Variants in CAP2 observed in about 807,000 individuals in gnomAD.
CAP2 encodes adenylyl cyclase-associated protein 2.
A neutral mutation model predicts 57.7 loss-of-function variants in CAP2; 24 were observed. The observed-to-expected ratio is 0.42, with a 90% CI of 0.30 to 0.58. The LOEUF (loss-of-function observed/expected upper bound fraction) is 0.58. Among genes scored for constraint, CAP2 ranks in the 20% least tolerant of loss-of-function variants. The pLI is 0.22. For missense variants in CAP2, 501 were observed against 590.3 expected (o/e 0.85, Z 1.57); for synonymous variants, 194 against 207.2 (o/e 0.94, Z 0.55).
Position 17,513,801 on chromosome 6 carries a change from T to C in CAP2, c.531-48T>C. 7.4e-7 allele frequency: 1 copy of C among 1,359,156 alleles called. No homozygotes were observed. The allele number at this position is 1,359,156 out of a possible 1,614,324, so 84.2% of individuals were successfully genotyped here. On this transcript the variant is annotated intron_variant, in intron 6 of 12. Coordinates refer to ENST00000229922, the MANE Select transcript of CAP2 (RefSeq NM_006366.3). This position sits in a 1 kb window ranked among gnomAD's most constrained non-coding sequence, Gnocchi z 4.3. ...TGCCCCCACAATTTTTTTAAAATTTTATTTTAGATCCTAACTCTGCTTTCT... is the reference window on the plus strand; with the variant it reads ...TGCCCCCACAATTTTTTTAAAATTTCATTTTAGATCCTAACTCTGCTTTCT...
Position 17,531,528 on chromosome 6 carries a change from C to A in CAP2, c.637-7741C>A, listed in dbSNP as rs1350180289. On this transcript the variant is annotated intron_variant, in intron 7 of 12. Transcript: ENST00000229922. ...CTTGCCTTTCAAAGCATCTTTTGGA[C>A]AAACTTCTTTCTCAGGTGCTTGATC... The A allele has an allele frequency of 2.6e-6, 4 of 1,532,110 alleles. No homozygotes were observed. The South Asian group carries it at 4.5e-5, about 17-fold the overall frequency. 94.9% of individuals were successfully genotyped at this position (1,532,110 alleles called of 1,614,324 possible). A position where few individuals can be genotyped will look rare whatever the true frequency, so the allele number is the denominator to read the frequency against.
chr6:17,417,539 T>A (rs948800231), intron 1 of CAP2, among the ~76,000 whole-genome samples: 9 of 152,160 alleles, frequency 5.9e-5, no homozygotes, highest in Admixed American at 5.9e-4. Flanking sequence ...CCTCCCAAAG[T>A]GCTAGGATTA....
intron 6 of CAP2, among the ~76,000 whole-genome samples, chr6:17,512,940 C>T (rs565579597): frequency 6.6e-6 from 1 of 152,200 alleles, no homozygotes; most frequent in South Asian, 2.1e-4. Flanking sequence ...ATAGAGATTT[C>T]CATTCATGAT....
intron 2 of CAP2, among the ~76,000 whole-genome samples, chr6:17,425,728 G>A (rs1438522505): frequency 6.6e-6 from 1 of 152,188 alleles, no homozygotes; most frequent in African/African-American, 2.4e-5. Context: ...ATGAAATTAT[G>A]TAGCGTCTTT....
chr6:17,551,363 A>T, intron 11 of CAP2, 101 bp from the exon 12 acceptor site: 1 of 969,218 alleles, frequency 1.0e-6, no homozygotes, highest in Non-Finnish European at 1.5e-6. Flanking sequence ...ATGCTTGGTT[A>T]AGCCCAAGCT....
intron 2 of CAP2, among the ~76,000 whole-genome samples, chr6:17,423,560 T>A (rs1371382099): frequency 6.6e-6 from 1 of 152,118 alleles, no homozygotes; most frequent in Non-Finnish European, 1.5e-5. Flanking sequence ...ATGTGAAGCC[T>A]GTGAATACAC....
intron 3 of CAP2, among the ~76,000 whole-genome samples, chr6:17,428,675 G>A (rs1268772993): frequency 6.6e-6 from 1 of 151,418 alleles, no homozygotes; most frequent in African/African-American, 2.4e-5. Flanking sequence ...CCTAATGCTA[G>A]ATGACGAGTT....
intron 3 of CAP2, among the ~76,000 whole-genome samples, chr6:17,427,037 C>T (rs1392539714): frequency 6.6e-6 from 1 of 152,034 alleles, no homozygotes; most frequent in Non-Finnish European, 1.5e-5. Flanking sequence ...AATAAGAAAG[C>T]AGAGTCATGA....
At chr6:17,435,681 T>TAAAAA (rs71002211) in intron 3 of CAP2, among the ~76,000 whole-genome samples, 53 of 67,396 alleles carry the variant, frequency 7.9e-4, no homozygotes, top group Middle Eastern at 0.021. Context: ...TAGAGTATAA[T>TAAAAA]AAAAAAAAAA....
intron 3 of CAP2, among the ~76,000 whole-genome samples, chr6:17,435,794 GT>G (rs1035107635): frequency 1.9e-4 from 28 of 144,396 alleles, no homozygotes; most frequent in Admixed American, 1.8e-3. Context: ...CTTCTTCACT[GT>G]TTTTTACGGC....
At chr6:17,540,461 A>AAAAT (rs75325109) in intron 8 of CAP2, among the ~76,000 whole-genome samples, 1 of 152,130 alleles carries the variant, frequency 6.6e-6, no homozygotes, top group South Asian at 2.1e-4. Flanking sequence ...AAAAAAAAAA[A>AAAAT]AAATACTTGG....
chr6:17,454,096 G>A lies in CAP2; in HGVS notation c.223-8900G>A, dbSNP rs188140967. On this transcript the variant is annotated intron_variant, in intron 3 of 12. Transcript: ENST00000229922. ...TGGCTAATTTTTTAATTTTTATAGA[G>A]ACAGGGTTTTACCATGTTGCCCAGG... 5.3e-5 allele frequency among the ~76,000 whole-genome samples: 8 copies of A among 151,392 alleles called. No homozygotes were observed. In the East Asian group the frequency reaches 9.8e-4, roughly 19 times the overall value.
Position 17,476,864 on chromosome 6 carries a change from CTTTTTTTTTT to C in CAP2, c.300+13807_300+13816del, listed in dbSNP as rs67003718. The stretch of plus-strand genomic sequence containing the variant: ...CTGCTTTGGTCTTATTTTCTTACTT[CTTTTTTTTTT>C]TTTTTTTTTTTTTTTGAGATGGAAT... On this transcript the variant is annotated intron_variant, in intron 4 of 12. Transcript: ENST00000229922. Among the ~76,000 whole-genome samples, 100 of 72,456 alleles carry C rather than the reference CTTTTTTTTTT, an allele frequency of 1.4e-3. 2 individuals carry two copies. In the Admixed American group the frequency reaches 0.017, roughly 12 times the overall value. 47.5% of individuals were successfully genotyped at this position (72,456 alleles called of 152,430 possible). A position where few individuals can be genotyped will look rare whatever the true frequency, so the allele number is the denominator to read the frequency against.
intron 7 of CAP2, among the ~76,000 whole-genome samples, chr6:17,538,793 C>T (rs1202888739): frequency 6.6e-6 from 1 of 152,190 alleles, no homozygotes; most frequent in Non-Finnish European, 1.5e-5. Flanking sequence ...CTCTCTTTCA[C>T]TGCTTAAAAA....
chr6:17,511,744 C>G (rs7744555), intron 6 of CAP2, among the ~76,000 whole-genome samples: 1,873 of 152,220 alleles, frequency 0.012, 44 homozygotes, highest in African/African-American at 0.043. Context: ...GTAAGCCACC[C>G]CGCCCGGCCT....
chr6:17,537,074 C>T (rs1762790596), intron 7 of CAP2, among the ~76,000 whole-genome samples: 1 of 152,150 alleles, frequency 6.6e-6, no homozygotes. Context: ...CTCCAGCCTG[C>T]AGGGTTTCTA....
chr6:17,428,603 A>G (rs1281913587), intron 3 of CAP2, among the ~76,000 whole-genome samples: 1 of 126,234 alleles, frequency 7.9e-6, no homozygotes, highest in Non-Finnish European at 1.6e-5. Flanking sequence ...GAAGGGGAAT[A>G]TCACACTCTG....
At chr6:17,510,346 CAA>C (rs1479571543) in intron 6 of CAP2, among the ~76,000 whole-genome samples, 1 of 151,964 alleles carries the variant, frequency 6.6e-6, no homozygotes, top group Non-Finnish European at 1.5e-5. Flanking sequence ...TGTTTTATTT[CAA>C]AAAACAAAAA....
rs113165026 is a variant in CAP2 at position 17,532,740 on chromosome 6, T to TCAAA, written c.637-6529_637-6528insCAAA. Among the ~76,000 whole-genome samples the TCAAA allele has an allele frequency of 2.5e-4, 31 of 124,256 alleles. No homozygotes were observed. The South Asian group carries it at 2.7e-3, about 11-fold the overall frequency. 81.5% of individuals were successfully genotyped at this position (124,256 alleles called of 152,430 possible). A position where few individuals can be genotyped will look rare whatever the true frequency, so the allele number is the denominator to read the frequency against. ...TCCAGCCTGGGCGACTGAGCGATAC[T>TCAAA]AAAAAAAAAAACACACACACACAAA... is the stretch of plus-strand genomic sequence containing the variant. On this transcript the variant is annotated intron_variant, in intron 7 of 12. Coordinates refer to ENST00000229922, the MANE Select transcript of CAP2 (RefSeq NM_006366.3).
Sources: allele counts gnomAD v4.1 joint callset (sites outside exome capture counted in the v4.1 genomes callset), GRCh38; gene constraint gnomAD v4.1.1; non-coding constraint Gnocchi (gnomAD v3.1); transcripts MANE v1.5; gene names NCBI Gene and HGNC (gene_info 2026-07-23, HGNC 2026-07-21).